CRTAC1: variants seen among roughly 807,000 people sequenced by gnomAD.
CRTAC1 encodes the protein acidic secreted protein in cartilage.
In CRTAC1, 37 loss-of-function variants were observed where a neutral mutation model predicts 67.8. The observed-to-expected ratio is 0.55, with a 90% confidence interval of 0.42 to 0.72. The LOEUF (loss-of-function observed/expected upper bound fraction) is 0.72. Ranked by LOEUF, CRTAC1 falls within the 30% of genes least tolerant of loss-of-function variation. The pLI, the probability that CRTAC1 is intolerant of heterozygous loss-of-function variation, is 0.00. For synonymous variants in CRTAC1, 348 were observed against 371.0 expected (o/e 0.94, Z 0.71); for missense variants, 780 against 931.6 (o/e 0.84, Z 2.12).
intron 8 of CRTAC1, among the ~76,000 whole-genome samples, chr10:97,899,269 C>G (rs2050500981): frequency 6.6e-6 from 1 of 152,242 alleles, no homozygotes; most frequent in African/African-American, 2.4e-5. Flanking sequence ...TGGGAAGTGG[C>G]TTCTGCTGCT....
At chr10:98,011,883 C>T (rs182437164) in intron 1 of CRTAC1, among the ~76,000 whole-genome samples, 1 of 152,338 alleles carries the variant, frequency 6.6e-6, no homozygotes, top group East Asian at 1.9e-4. Context: ...AACCTAACAG[C>T]TCTCAAACAA....
Position 97,990,564 on chromosome 10 carries a change from A to C in CRTAC1, c.224+20574T>G, listed in dbSNP as rs376204691. 1.4e-3 allele frequency among the ~76,000 whole-genome samples: 217 copies of C among 152,352 alleles called. 8 individuals carry two copies. Among genetic ancestry groups the C allele is most frequent in the South Asian group, 6.2e-4 (3 of 4,832 alleles). On this transcript the variant is annotated intron_variant, in intron 2 of 14. Coordinates refer to ENST00000370597, the MANE Select transcript of CRTAC1 (RefSeq NM_018058.7). The stretch of plus-strand genomic sequence containing the variant: ...GCAAGCATGGACAGTGGGGATGAGA[A>C]ATGATTCTGGTTACAAATTATGAAT...
chr10:97,943,272 G>A (rs1421131400), intron 2 of CRTAC1, among the ~76,000 whole-genome samples: 1 of 152,078 alleles, frequency 6.6e-6, no homozygotes, highest in Non-Finnish European at 1.5e-5. Context: ...CAGAGAAAAT[G>A]ATATCAGAGC....
chr10:97,891,466 C>A (rs181283791), intron 11 of CRTAC1, among the ~76,000 whole-genome samples: 1 of 152,364 alleles, frequency 6.6e-6, no homozygotes, highest in Non-Finnish European at 1.5e-5. Context: ...GGGAAGCTGC[C>A]CAGAACAAAA....
At chr10:97,907,248 G>A (rs752827689) in intron 6 of CRTAC1, among the ~76,000 whole-genome samples, 1 of 152,232 alleles carries the variant, frequency 6.6e-6, no homozygotes, top group Non-Finnish European at 1.5e-5. Context: ...CGGGCAGCAG[G>A]AGGAGGAAGG....
At chr10:97,952,641 C>T (rs1459415990) in intron 2 of CRTAC1, among the ~76,000 whole-genome samples, 4 of 148,324 alleles carry the variant, frequency 2.7e-5, no homozygotes, top group Non-Finnish European at 5.9e-5. Flanking sequence ...GCATTCCAAA[C>T]AAACCCCAGG....
At chr10:97,991,640 C>T (rs1185384006) in intron 2 of CRTAC1, among the ~76,000 whole-genome samples, 1 of 152,114 alleles carries the variant, frequency 6.6e-6, no homozygotes, top group African/African-American at 2.4e-5. Flanking sequence ...AAGCAATTTA[C>T]ATGGCTTATC....
chr10:97,939,822 C>T (rs531331421), intron 2 of CRTAC1, among the ~76,000 whole-genome samples: 65 of 152,234 alleles, frequency 4.3e-4, no homozygotes, highest in African/African-American at 1.5e-3. Flanking sequence ...ATGCCTGCCC[C>T]GACTGCCCCT....
Position 98,030,490 on chromosome 10 carries a change from C to T in CRTAC1, c.-18G>A, listed in dbSNP as rs1458358107. On this transcript the variant is annotated 5_prime_UTR_variant, in exon 1 of 15. Transcript: ENST00000370597. This position sits in a 1 kb window ranked among gnomAD's most constrained non-coding sequence, Gnocchi z 4.2. Reference sequence around the variant, plus strand: ...GGAGCCATCCTCCCGCTCTCGGCCCCGCCGCCTAGGGGCGTGGGAAGCGGG... The same window carrying T: ...GGAGCCATCCTCCCGCTCTCGGCCCTGCCGCCTAGGGGCGTGGGAAGCGGG... 4 of 1,245,980 alleles carry T rather than the reference C, an allele frequency of 3.2e-6. No homozygotes were observed. In the African/African-American group the frequency reaches 6.2e-5, roughly 19 times the overall value. The allele number at this position is 1,245,980 out of a possible 1,614,324, so 77.2% of individuals were successfully genotyped here.
chr10:98,020,651 G>C (rs531986419), intron 1 of CRTAC1, among the ~76,000 whole-genome samples: 1 of 152,376 alleles, frequency 6.6e-6, no homozygotes, highest in East Asian at 1.9e-4. Context: ...AAGAGGCAAC[G>C]CCAAGTGGGC....
intron 3 of CRTAC1, among the ~76,000 whole-genome samples, chr10:97,926,699 C>G (rs910728942): frequency 1.3e-5 from 2 of 152,212 alleles, no homozygotes; most frequent in Non-Finnish European, 1.5e-5. Flanking sequence ...TAGCCCAGGA[C>G]AGGTTTTGCT....
At chr10:97,926,497 T>G (rs193129988) in intron 3 of CRTAC1, among the ~76,000 whole-genome samples, 1 of 152,056 alleles carries the variant, frequency 6.6e-6, no homozygotes, top group East Asian at 1.9e-4. Context: ...AATTTGCATA[T>G]TTTTCCTTCA....
intron 2 of CRTAC1, among the ~76,000 whole-genome samples, chr10:97,971,480 G>A (rs1357241483): frequency 2.6e-5 from 4 of 152,238 alleles, no homozygotes; most frequent in Non-Finnish European, 5.9e-5. Flanking sequence ...GAAGTTGAAT[G>A]GTGGCTGCCA....
At chr10:98,011,090 A>G (rs1842897296) in intron 2 of CRTAC1, 48 bp downstream of exon 2, 1 of 1,554,676 alleles carries the variant, frequency 6.4e-7, no homozygotes. Context: ...GCCTTATTAC[A>G]GCAAAATCTG....
chr10:98,020,103 T>G (rs768963602), intron 1 of CRTAC1, among the ~76,000 whole-genome samples: 12 of 152,168 alleles, frequency 7.9e-5, no homozygotes, highest in Admixed American at 6.5e-5. Context: ...CTCACTCACC[T>G]GAACAATAGC....
chr10:98,025,144 T>C (rs1398688294), intron 1 of CRTAC1, among the ~76,000 whole-genome samples: 3 of 152,084 alleles, frequency 2.0e-5, no homozygotes, highest in African/African-American at 7.2e-5. Context: ...ATGGGAGAAT[T>C]GGATGAGAGT....
chr10:98,011,110 T>A, intron 2 of CRTAC1, 28 bp downstream of exon 2: 1 of 1,600,110 alleles, frequency 6.2e-7, no homozygotes, highest in Non-Finnish European at 8.6e-7. Flanking sequence ...GATTAATATC[T>A]GTCACACTGA....
At chr10:98,028,729 G>T (rs1564942632) in intron 1 of CRTAC1, among the ~76,000 whole-genome samples, 1 of 152,192 alleles carries the variant, frequency 6.6e-6, no homozygotes, top group Admixed American at 6.5e-5. Context: ...GGGAAATGCA[G>T]CAGAAAAATG....
Position 97,905,368 on chromosome 10 carries a change from T to C in CRTAC1, c.851-554A>G, listed in dbSNP as rs529185416. 2.0e-5 allele frequency among the ~76,000 whole-genome samples: 3 copies of C among 152,252 alleles called. No homozygotes were observed. The East Asian group carries it at 5.8e-4, about 29-fold the overall frequency. ...TCAAGCAGGTCTCTACCTGGGATGCTCTCCCTCTAGCTCTAGGTTACCCAG... is the reference window on the plus strand; with the variant it reads ...TCAAGCAGGTCTCTACCTGGGATGCCCTCCCTCTAGCTCTAGGTTACCCAG... On this transcript the variant is annotated intron_variant, in intron 6 of 14. Transcript: ENST00000370597.
Sources: gnomAD v4.1 joint callset for allele counts (sites outside exome capture counted in the v4.1 genomes callset) on GRCh38, gnomAD v4.1.1 for gene constraint, Gnocchi (gnomAD v3.1) non-coding constraint, MANE v1.5 for transcripts, NCBI Gene and HGNC (gene_info 2026-07-23, HGNC 2026-07-21) for gene names.